The following GADL1 variants were observed in gnomAD, a reference collection of about 807,000 sequenced individuals.
GADL1 encodes the protein acidic amino acid decarboxylase GADL1.
In GADL1, 71 loss-of-function variants were observed where a neutral mutation model predicts 69.5. The ratio of observed to expected loss-of-function variants is 1.02; its 90% CI spans 0.84 to 1.25. The LOEUF (loss-of-function observed/expected upper bound fraction) is 1.25. GADL1 is among the 50% of genes most tolerant of loss of function. The probability of loss-of-function intolerance (pLI) is 0.00; values close to 1 mark genes in which losing one functional copy is unlikely to be tolerated. For synonymous variants in GADL1, 254 were observed against 214.4 expected (o/e 1.18, Z -1.62); for missense variants, 737 against 631.8 (o/e 1.17, Z -1.79).
chr3:30,887,476 C>G (rs1236641869), intron 1 of GADL1, among the ~76,000 whole-genome samples: 3 of 152,274 alleles, frequency 2.0e-5, no homozygotes, highest in Non-Finnish European at 4.4e-5. Flanking sequence ...CTCTCAGCCC[C>G]TTCGCCATGT....
At chr3:30,730,799 T>C (rs1426778123) in intron 14 of GADL1, among the ~76,000 whole-genome samples, 1 of 152,146 alleles carries the variant, frequency 6.6e-6, no homozygotes, top group African/African-American at 2.4e-5. Context: ...CTCCTCACCT[T>C]AGGTAGGAGG....
At chr3:30,891,133 C>A (rs1490529612) in intron 1 of GADL1, among the ~76,000 whole-genome samples, 1 of 152,008 alleles carries the variant, frequency 6.6e-6, no homozygotes, top group Non-Finnish European at 1.5e-5. Context: ...AAAATGGATT[C>A]ATCTGTCATG....
chr3:30,754,971 AC>A (rs779865793), intron 14 of GADL1, among the ~76,000 whole-genome samples: 22 of 152,002 alleles, frequency 1.4e-4, no homozygotes, highest in Admixed American at 2.6e-4. Context: ...GAGGAAGCAG[AC>A]CAAAACGGGG....
chr3:30,791,125 A>T (rs1041424819), intron 12 of GADL1, among the ~76,000 whole-genome samples: 2 of 152,086 alleles, frequency 1.3e-5, no homozygotes, highest in Non-Finnish European at 2.9e-5. Context: ...CCCTTTTTAT[A>T]TCTCCTTTCA....
At chr3:30,825,754 A>G (rs1257700267) in intron 11 of GADL1, among the ~76,000 whole-genome samples, 1 of 151,860 alleles carries the variant, frequency 6.6e-6, no homozygotes, top group Admixed American at 6.6e-5. Context: ...GGGGAATATC[A>G]CACACCAGGG....
chr3:30,859,173 T>C (rs1698277476), intron 2 of GADL1, among the ~76,000 whole-genome samples: 1 of 151,688 alleles, frequency 6.6e-6, no homozygotes, highest in South Asian at 2.1e-4. Flanking sequence ...CTAAAAATTT[T>C]GGCTGTGGAG....
chr3:30,728,531 C>T (rs1695405963), intron 14 of GADL1, 116 bp from the exon 15 acceptor site: 3 of 720,854 alleles, frequency 4.2e-6, no homozygotes, highest in East Asian at 2.7e-5. Context: ...ATCCCATTCT[C>T]ATTCACACAA....
intron 11 of GADL1, among the ~76,000 whole-genome samples, chr3:30,810,601 A>C (rs1697332336): frequency 6.6e-6 from 1 of 152,058 alleles, no homozygotes; most frequent in Admixed American, 6.5e-5. Context: ...TGCTTTACGT[A>C]ATAAGTTATC....
At chr3:30,741,190 A>ATGTGTGTGTG (rs60283911) in intron 14 of GADL1, among the ~76,000 whole-genome samples, 1 of 132,638 alleles carries the variant, frequency 7.5e-6, no homozygotes, top group Non-Finnish European at 1.6e-5. Flanking sequence ...TTATATAATT[A>ATGTGTGTGTG]TGTGTGTGTG....
chr3:30,819,933 C>T (rs72849863), intron 11 of GADL1, among the ~76,000 whole-genome samples: 12,077 of 151,836 alleles, frequency 0.08, 1,211 homozygotes, highest in African/African-American at 0.23. Flanking sequence ...GAATTATCTA[C>T]CCCAAAATTT....
chr3:30,764,763 A>G (rs955897297), intron 14 of GADL1, among the ~76,000 whole-genome samples: 11 of 152,226 alleles, frequency 7.2e-5, no homozygotes, highest in African/African-American at 2.4e-4. Context: ...CCACCTCGGT[A>G]TACTTCAGTG....
At chr3:30,878,387 A>T (rs1050409125) in intron 1 of GADL1, among the ~76,000 whole-genome samples, 1 of 151,912 alleles carries the variant, frequency 6.6e-6, no homozygotes, top group Non-Finnish European at 1.5e-5. Context: ...GAAGTGATGG[A>T]GAACATGAGC....
In GADL1 at chr3:30,791,116, C is replaced by T. The variant is rs1179134477; in HGVS notation, c.1251-4710G>A. The stretch of plus-strand genomic sequence containing the variant: ...AATGAGGGTGTGTGGTTTTCCATTC[C>T]CTTTTTATATCTCCTTTCAAAGTTT... On this transcript the variant is annotated intron_variant, in intron 12 of 14. Transcript: ENST00000282538. Among the ~76,000 whole-genome samples the T allele has an allele frequency of 3.3e-5, 5 of 151,866 alleles. No homozygotes were observed. The East Asian group carries it at 7.7e-4, about 23-fold the overall frequency.
intron 4 of GADL1, among the ~76,000 whole-genome samples, chr3:30,852,633 AC>A (rs1364498764): frequency 2.1e-5 from 3 of 146,322 alleles, no homozygotes; most frequent in Non-Finnish European, 4.5e-5. Flanking sequence ...TAAAATAGTT[AC>A]TTTCATAATA....
intron 2 of GADL1, among the ~76,000 whole-genome samples, chr3:30,859,740 T>C (rs892545148): frequency 1.5e-4 from 23 of 151,932 alleles, no homozygotes; most frequent in African/African-American, 5.6e-4. Flanking sequence ...CAAGCTTGGG[T>C]ATATATCTGC....
intron 3 of GADL1, among the ~76,000 whole-genome samples, chr3:30,855,139 T>C (rs1484236033): frequency 6.6e-6 from 1 of 152,068 alleles, no homozygotes; most frequent in Non-Finnish European, 1.5e-5. Flanking sequence ...TTACTGAATA[T>C]AAATTATACC....
Position 30,736,611 on chromosome 3 carries a change from T to C in GADL1, c.1393-8196A>G, listed in dbSNP as rs149054853. On this transcript the variant is annotated intron_variant, in intron 14 of 14. Coordinates refer to ENST00000282538, the MANE Select transcript of GADL1 (RefSeq NM_207359.3). ...GCTATGAAAAACATGAAATAATTTA[T>C]TTTCTCCCCGAAGTGTCTAAACTGG... is the stretch of plus-strand genomic sequence containing the variant. 2.6e-5 allele frequency among the ~76,000 whole-genome samples: 4 copies of C among 152,332 alleles called. No homozygotes were observed. The East Asian group carries it at 7.7e-4, about 29-fold the overall frequency.
intron 3 of GADL1, among the ~76,000 whole-genome samples, chr3:30,855,317 C>G (rs1255564396): frequency 2.0e-5 from 3 of 152,020 alleles, no homozygotes; most frequent in South Asian, 2.1e-4. Context: ...AAACCAGAAC[C>G]CTTAAATAAT....
Position 30,846,966 on chromosome 3 carries a change from T to C in GADL1, c.652-2500A>G, listed in dbSNP as rs150848061. Among the ~76,000 whole-genome samples the C allele has an allele frequency of 1.8e-3, 274 of 152,328 alleles. 1 individual carries two copies. Among genetic ancestry groups the C allele is most frequent in the Middle Eastern group, 3.4e-3 (1 of 294 alleles). On this transcript the variant is annotated intron_variant, in intron 6 of 14. Coordinates refer to ENST00000282538, the MANE Select transcript of GADL1 (RefSeq NM_207359.3). ...GCCCTGCTAGAGAGGAGCTAGCCCA[T>C]TGATTACTGGCCTGGGAGGTAAGGG... is the stretch of plus-strand genomic sequence containing the variant.
Sources: gnomAD v4.1 joint callset for allele counts (sites outside exome capture counted in the v4.1 genomes callset) on GRCh38, gnomAD v4.1.1 for gene constraint, MANE v1.5 for transcripts, NCBI Gene and HGNC (gene_info 2026-07-23, HGNC 2026-07-21) for gene names.